The following CDH4 variants were observed in gnomAD, a reference collection of about 807,000 sequenced individuals.
CDH4 encodes the protein cadherin-4.
Under a neutral mutation model 86.0 loss-of-function variants are expected in CDH4, and 33 were observed. The observed-to-expected ratio is 0.38, with a 90% CI of 0.29 to 0.51. The LOEUF (loss-of-function observed/expected upper bound fraction) is 0.51, where lower values mean the gene tolerates loss of function less well. CDH4 is among the 20% of genes least tolerant of loss of function. CDH4 has a pLI of 0.86. For synonymous variants in CDH4, 555 were observed against 549.4 expected (o/e 1.01, Z -0.14); for missense variants, 1,114 against 1,307.4 (o/e 0.85, Z 2.28).
chr20:61,853,021 C>T, intron 6 of CDH4, 123 bp downstream of exon 6: 2 of 992,568 alleles, frequency 2.0e-6, no homozygotes. Flanking sequence ...GACTTGGGCG[C>T]AGACACACAG....
chr20:61,301,079 C>A (rs2084383778), intron 2 of CDH4, among the ~76,000 whole-genome samples: 1 of 152,254 alleles, frequency 6.6e-6, no homozygotes, highest in Non-Finnish European at 1.5e-5. Flanking sequence ...GGGCTGCGCC[C>A]AACTCCCCAT....
chr20:61,888,299 C>A (rs1277137778), intron 7 of CDH4, among the ~76,000 whole-genome samples: 1 of 152,188 alleles, frequency 6.6e-6, no homozygotes, highest in Non-Finnish European at 1.5e-5. Context: ...GCCTGTCCAC[C>A]GCTGCTGGCA....
chr20:61,332,234 C>G (rs2084585819), intron 2 of CDH4, among the ~76,000 whole-genome samples: 1 of 152,212 alleles, frequency 6.6e-6, no homozygotes, highest in Non-Finnish European at 1.5e-5. Context: ...AAATGTCAGT[C>G]TCTCATCAGG....
At chr20:61,853,804 C>T (rs1362646148) in intron 6 of CDH4, among the ~76,000 whole-genome samples, 2 of 152,206 alleles carry the variant, frequency 1.3e-5, no homozygotes, top group African/African-American at 4.8e-5. Flanking sequence ...AGCAGCTCCC[C>T]ACTGTGGCTG....
At chr20:61,918,946 C>T (rs1421986632) in intron 9 of CDH4, among the ~76,000 whole-genome samples, 1 of 152,196 alleles carries the variant, frequency 6.6e-6, no homozygotes, top group South Asian at 2.1e-4. Flanking sequence ...TCACTGCTCA[C>T]TGCAGCCTTG....
chr20:61,822,844 G>A (rs1029254064), intron 4 of CDH4, among the ~76,000 whole-genome samples: 1 of 152,160 alleles, frequency 6.6e-6, no homozygotes, highest in Non-Finnish European at 1.5e-5. Flanking sequence ...GCCACAACAG[G>A]GCATGCCTTC....
At chr20:61,679,222 C>T (rs1462044346) in intron 2 of CDH4, among the ~76,000 whole-genome samples, 1 of 152,218 alleles carries the variant, frequency 6.6e-6, no homozygotes, top group Non-Finnish European at 1.5e-5. Context: ...TCATGGCCTT[C>T]CTTTCCTCCA....
chr20:61,508,847 G>T (rs1049207145), intron 2 of CDH4, among the ~76,000 whole-genome samples: 1 of 152,224 alleles, frequency 6.6e-6, no homozygotes, highest in African/African-American at 2.4e-5. Flanking sequence ...AGCCCAGAGG[G>T]CAAGGAGGGC....
intron 2 of CDH4, among the ~76,000 whole-genome samples, chr20:61,704,063 G>A (rs893495280): frequency 3.3e-5 from 5 of 152,108 alleles, no homozygotes; most frequent in African/African-American, 1.2e-4. Flanking sequence ...GGCTGAGCCT[G>A]GAAGAAGCAG....
intron 2 of CDH4, among the ~76,000 whole-genome samples, chr20:61,723,895 TGC>T (rs1226556186): frequency 2.8e-4 from 43 of 150,950 alleles, no homozygotes; most frequent in African/African-American, 1.0e-3. Flanking sequence ...TGGGTCCCCA[TGC>T]AGGGGGCACA....
intron 2 of CDH4, among the ~76,000 whole-genome samples, chr20:61,436,232 C>T (rs565072319): frequency 4.0e-4 from 61 of 152,298 alleles, no homozygotes; most frequent in Non-Finnish European, 6.2e-4. Context: ...GCACCTTCGC[C>T]CCCAACTGCA....
At chr20:61,340,552 C>T (rs1217759828) in intron 2 of CDH4, among the ~76,000 whole-genome samples, 1 of 151,886 alleles carries the variant, frequency 6.6e-6, no homozygotes, top group Non-Finnish European at 1.5e-5. Flanking sequence ...TAGAGTGGGC[C>T]ATAAAACAAG....
chr20:61,262,359 C>G (rs1445247336), intron 2 of CDH4, among the ~76,000 whole-genome samples: 1 of 152,018 alleles, frequency 6.6e-6, no homozygotes, highest in Non-Finnish European at 1.5e-5. Flanking sequence ...TTGAAACAGT[C>G]TGAAGATGTG....
At chr20:61,597,904 C>T (rs1318916812) in intron 2 of CDH4, among the ~76,000 whole-genome samples, 2 of 152,258 alleles carry the variant, frequency 1.3e-5, no homozygotes, top group Admixed American at 6.5e-5. Context: ...GACTGAAGGG[C>T]AGGGTGGACC....
rs1254520780 is a variant in CDH4 at position 61,807,148 on chromosome 20, G to A, written c.576+33966G>A. On this transcript the variant is annotated intron_variant, in intron 4 of 15. Transcript: ENST00000614565. The surrounding 1 kb of genome is among the most constrained non-coding windows in gnomAD (Gnocchi z 4.5). ...AGCCCCCAGCTGCAAGGCCAGTGGG[G>A]CAGGTGCCGGGAGGGCCTCGGGAGG... Among the ~76,000 whole-genome samples the A allele has an allele frequency of 2.0e-5, 3 of 152,264 alleles. No individual in the cohort carries two copies. The highest frequency in any genetic ancestry group is 7.2e-5 in the African/African-American group (3 of 41,474).
At position 61,304,140 on chromosome 20, in the gene CDH4, A is replaced by G. The variant is rs535913105; in HGVS notation, c.169+49203A>G. Among the ~76,000 whole-genome samples, 3 of 152,292 alleles carry G rather than the reference A, an allele frequency of 2.0e-5. No individual in the cohort carries two copies. The South Asian group carries it at 6.2e-4, about 32-fold the overall frequency. ...GCATTCCTTTCCTCAGCTGCAGATC[A>G]GGAAACTGTCTTCACAGCCCCAGGC... On this transcript the variant is annotated intron_variant, in intron 2 of 15. Transcript: ENST00000614565.
chr20:61,910,068 G>A (rs1288083772), intron 8 of CDH4, among the ~76,000 whole-genome samples: 2 of 152,366 alleles, frequency 1.3e-5, no homozygotes, highest in East Asian at 3.9e-4. Flanking sequence ...TGAGCAGCCT[G>A]TCTTCTCTGA....
intron 7 of CDH4, among the ~76,000 whole-genome samples, chr20:61,878,694 C>T (rs1225445366): frequency 6.6e-6 from 1 of 152,258 alleles, no homozygotes; most frequent in Non-Finnish European, 1.5e-5. Context: ...TCGTAGGTGA[C>T]CTCTGAATTT....
intron 2 of CDH4, among the ~76,000 whole-genome samples, chr20:61,259,989 G>A (rs1487745070): frequency 1.3e-5 from 2 of 152,138 alleles, no homozygotes; most frequent in Non-Finnish European, 1.5e-5. Flanking sequence ...CACAAATTGG[G>A]TCCCAGAAGG....
Sources: gnomAD v4.1 joint callset for allele counts (sites outside exome capture counted in the v4.1 genomes callset) on GRCh38, gnomAD v4.1.1 for gene constraint, Gnocchi (gnomAD v3.1) non-coding constraint, MANE v1.5 for transcripts, NCBI Gene and HGNC (gene_info 2026-07-23, HGNC 2026-07-21) for gene names.